NAV1: variants seen among roughly 807,000 people sequenced by gnomAD.
NAV1 encodes pore membrane and/or filament interacting like protein 3.
A neutral mutation model predicts 175.2 loss-of-function variants in NAV1; 18 were observed. That is an observed-to-expected ratio of 0.10 (90% confidence interval 0.07 to 0.15). The LOEUF (loss-of-function observed/expected upper bound fraction) is 0.15, where lower values mean the gene tolerates loss of function less well. NAV1 is among the 10% of genes least tolerant of loss of function. NAV1 has a pLI of 1.00. For missense variants in NAV1, 1,731 were observed against 2,436.6 expected, an observed-to-expected ratio of 0.71 and a Z score of 6.10; for synonymous variants, 897 against 978.7, an observed-to-expected ratio of 0.92 and a Z score of 1.56.
chr1:201,619,884 T>C (rs760622802), upstream of NAV1, among the ~76,000 whole-genome samples: 23 of 152,256 alleles, frequency 1.5e-4, no homozygotes, highest in Non-Finnish European at 2.5e-4. Context: ...TTTGCTGCCC[T>C]TCTTCTGCTG....
intron 2 of NAV1, among the ~76,000 whole-genome samples, chr1:201,632,879 G>T (rs1668517474): frequency 6.6e-6 from 1 of 152,202 alleles, no homozygotes; most frequent in Non-Finnish European, 1.5e-5. Context: ...AGTTTTTCAT[G>T]CCTTATGGAT....
At chr1:201,703,666 C>T (rs369019029) in intron 1 of NAV1, among the ~76,000 whole-genome samples, 1 of 152,244 alleles carries the variant, frequency 6.6e-6, no homozygotes, top group East Asian at 1.9e-4. Context: ...AAGCTCGTCT[C>T]CCCGGCCCAA....
Position 201,750,080 on chromosome 1 carries a change from A to G in NAV1, c.1227-30341A>G, listed in dbSNP as rs903411114. 6.6e-6 allele frequency among the ~76,000 whole-genome samples: 1 copy of G among 152,192 alleles called. No homozygotes were observed. The highest frequency in any genetic ancestry group is 1.5e-5 in the Non-Finnish European group (1 of 68,030). On this transcript the variant is annotated intron_variant, in intron 3 of 29. Transcript: ENST00000367296. This position sits in a 1 kb window ranked among gnomAD's most constrained non-coding sequence, Gnocchi z 4.1. ...TTAGACTTGATAATGCACTGTAGGTATGGGTGTGAAGACTCAAGTTGGAAA... is the reference window on the plus strand; with the variant it reads ...TTAGACTTGATAATGCACTGTAGGTGTGGGTGTGAAGACTCAAGTTGGAAA...
At chr1:201,547,911 A>G (rs1319784884) in intron 1 of NAV1, among the ~76,000 whole-genome samples, 4 of 152,132 alleles carry the variant, frequency 2.6e-5, no homozygotes, top group Non-Finnish European at 5.9e-5. Context: ...TCTCTGTCTC[A>G]GCCTTCCGGG....
At chr1:201,752,974 C>T (rs239980) in intron 3 of NAV1, among the ~76,000 whole-genome samples, 118,010 of 151,910 alleles carry the variant, frequency 0.78, 46,177 homozygotes, top group South Asian at 0.91. Context: ...TGGAAATCTT[C>T]ACATTAGGAA....
intron 3 of NAV1, among the ~76,000 whole-genome samples, chr1:201,762,330 T>C (rs1021221058): frequency 2.0e-5 from 3 of 152,196 alleles, no homozygotes; most frequent in African/African-American, 7.2e-5. Context: ...ACGGAATTGT[T>C]ATTTCTTTTC....
At chr1:201,744,316 G>A (rs596238) in intron 3 of NAV1, among the ~76,000 whole-genome samples, 1 of 140,958 alleles carries the variant, frequency 7.1e-6, no homozygotes, top group Non-Finnish European at 1.5e-5. Context: ...ATGTATGTAT[G>A]TATTTATTTA....
intron 1 of NAV1, among the ~76,000 whole-genome samples, chr1:201,554,248 T>C (rs1465598409): frequency 6.6e-6 from 1 of 152,130 alleles, no homozygotes; most frequent in African/African-American, 2.4e-5. Context: ...GAAACACAGG[T>C]CCACGTGCAA....
chr1:201,604,349 C>A (rs962530842), intron 2 of NAV1, among the ~76,000 whole-genome samples: 1 of 152,192 alleles, frequency 6.6e-6, no homozygotes, highest in Non-Finnish European at 1.5e-5. Context: ...AGCCACCGTG[C>A]CTGGCTACTA....
rs527316475 is a variant in NAV1, at chr1:201,766,539, T to A, written c.1227-13882T>A. 6.2e-3 allele frequency among the ~76,000 whole-genome samples: 900 copies of A among 144,930 alleles called. 19 individuals carry two copies. The highest frequency in any genetic ancestry group is 0.021 in the African/African-American group (819 of 39,230). ...TCTGACTCTTCTATTATCTTTTTTT[T>A]AAAAATCACTTATCCTCTTTAACCT... is the stretch of plus-strand genomic sequence containing the variant. On this transcript the variant is annotated intron_variant, in intron 3 of 29. Transcript: ENST00000367296.
chr1:201,801,850 A>AG (rs1266918235), intron 15 of NAV1, among the ~76,000 whole-genome samples: 1 of 152,094 alleles, frequency 6.6e-6, no homozygotes, highest in African/African-American at 2.4e-5. Flanking sequence ...AAAGACATTG[A>AG]GGGGGCCAAG....
intron 2 of NAV1, among the ~76,000 whole-genome samples, chr1:201,602,017 G>T (rs1302690187): frequency 2.6e-5 from 4 of 151,982 alleles, no homozygotes; most frequent in African/African-American, 9.7e-5. Flanking sequence ...GGTTCCGCAG[G>T]TATATTTCCC....
intron 1 of NAV1, among the ~76,000 whole-genome samples, chr1:201,705,993 C>T (rs997496072): frequency 3.3e-5 from 5 of 152,116 alleles, no homozygotes; most frequent in Non-Finnish European, 7.4e-5. Flanking sequence ...TGGAGTTTAT[C>T]GTTAGACCAA....
intron 3 of NAV1, among the ~76,000 whole-genome samples, chr1:201,765,710 A>G (rs958564251): frequency 6.6e-6 from 1 of 152,146 alleles, no homozygotes; most frequent in Non-Finnish European, 1.5e-5. Flanking sequence ...AATATTTACA[A>G]AATTCGTGGT....
chr1:201,668,854 C>T (rs647130), intron 1 of NAV1, among the ~76,000 whole-genome samples: 25,141 of 152,070 alleles, frequency 0.17, 2,426 homozygotes, highest in African/African-American at 0.26. Context: ...TCATTAGCTG[C>T]GTTGGGGTCA....
At chr1:201,590,343 C>T (rs373329814) in intron 2 of NAV1, among the ~76,000 whole-genome samples, 4 of 152,334 alleles carry the variant, frequency 2.6e-5, no homozygotes, top group Admixed American at 6.5e-5. Flanking sequence ...GGGTCCCACC[C>T]GCCTCTCAGT....
chr1:201,700,750 G>A (rs1307793360), intron 1 of NAV1, among the ~76,000 whole-genome samples: 2 of 152,148 alleles, frequency 1.3e-5, no homozygotes, highest in Admixed American at 6.5e-5. Context: ...AATGGCTCAC[G>A]CCTGTAATCC....
Position 201,694,853 on chromosome 1 carries a change from G to A in NAV1, c.758-17964G>A, listed in dbSNP as rs2102425886. On this transcript the variant is annotated intron_variant, in intron 1 of 29. Transcript: ENST00000367296. This position sits in a 1 kb window ranked among gnomAD's most constrained non-coding sequence, Gnocchi z 4.2. The stretch of plus-strand genomic sequence containing the variant: ...GAGACCTAAATCAAATTGCTTATCA[G>A]TCTCTTCAGCTGCCAAACGAACCAA... Among the ~76,000 whole-genome samples, 1 of 152,304 alleles carries A rather than the reference G, an allele frequency of 6.6e-6. No homozygotes were observed. The highest frequency in any genetic ancestry group is 1.5e-5 in the Non-Finnish European group (1 of 68,032).
chr1:201,770,589 A>G (rs1034247907), intron 3 of NAV1, among the ~76,000 whole-genome samples: 1 of 152,222 alleles, frequency 6.6e-6, no homozygotes, highest in Non-Finnish European at 1.5e-5. Context: ...ACTAAATTCC[A>G]GAAAGAGAAG....
Sources: allele counts gnomAD v4.1 joint callset (sites outside exome capture counted in the v4.1 genomes callset), GRCh38; gene constraint gnomAD v4.1.1; non-coding constraint Gnocchi (gnomAD v3.1); transcripts MANE v1.5; gene names NCBI Gene and HGNC (gene_info 2026-07-23, HGNC 2026-07-21).